DTWD2: variants seen among roughly 807,000 people sequenced by gnomAD.
DTWD2 encodes DTW motif tRNA-uridine aminocarboxypropyltransferase 2.
A neutral mutation model predicts 31.8 loss-of-function variants in DTWD2; 39 were observed. The observed-to-expected ratio is 1.22, with a 90% CI of 0.95 to 1.60. The LOEUF (loss-of-function observed/expected upper bound fraction) is 1.60, where lower values mean the gene tolerates loss of function less well. Ranked by LOEUF, DTWD2 falls within the 40% of genes most tolerant of loss-of-function variation. The probability of loss-of-function intolerance (pLI) is 0.00; values close to 1 mark genes in which losing one functional copy is unlikely to be tolerated. For synonymous variants in DTWD2, 180 were observed against 142.8 expected, an observed-to-expected ratio of 1.26 and a Z score of -1.86; for missense variants, 515 against 381.5, an observed-to-expected ratio of 1.35 and a Z score of -2.92.
chr5:118,874,861 AG>A (rs1752586921), intron 4 of DTWD2, among the ~76,000 whole-genome samples: 1 of 152,142 alleles, frequency 6.6e-6, no homozygotes, highest in East Asian at 1.9e-4. Context: ...AAATGCAGAG[AG>A]CCCCAGTAAG....
At chr5:118,956,648 T>A (rs1455076699) in intron 1 of DTWD2, among the ~76,000 whole-genome samples, 1 of 152,200 alleles carries the variant, frequency 6.6e-6, no homozygotes, top group Non-Finnish European at 1.5e-5. Context: ...TTAATCAAGG[T>A]GATTCAAATA....
At chr5:118,970,448 G>C (rs1176863656) in intron 1 of DTWD2, among the ~76,000 whole-genome samples, 1 of 152,004 alleles carries the variant, frequency 6.6e-6, no homozygotes, top group Non-Finnish European at 1.5e-5. Context: ...AAGGAAAAAA[G>C]AAAAGACGAT....
chr5:118,963,217 G>A (rs1419376961), intron 1 of DTWD2, among the ~76,000 whole-genome samples: 2 of 152,234 alleles, frequency 1.3e-5, no homozygotes, highest in Non-Finnish European at 2.9e-5. Flanking sequence ...TGAGGAGTTA[G>A]AAGAAGAAAC....
chr5:118,964,283 T>C (rs902054373), intron 1 of DTWD2, among the ~76,000 whole-genome samples: 2 of 151,974 alleles, frequency 1.3e-5, no homozygotes, highest in Non-Finnish European at 2.9e-5. Flanking sequence ...TAATGAGATA[T>C]GACTTCAGGA....
intron 4 of DTWD2, among the ~76,000 whole-genome samples, chr5:118,899,274 T>C (rs750286219): frequency 6.6e-6 from 1 of 152,230 alleles, no homozygotes; most frequent in Non-Finnish European, 1.5e-5. Flanking sequence ...ACATGAGTTA[T>C]AGTGCTATTG....
chr5:118,897,400 T>G (rs1753107977), intron 4 of DTWD2, among the ~76,000 whole-genome samples: 1 of 152,230 alleles, frequency 6.6e-6, no homozygotes. Context: ...TTGCCTGGCA[T>G]GTATCAAAAT....
In DTWD2 at chr5:118,973,651, GC is replaced by G. The variant is rs1580449560; in HGVS notation, c.218+14642del. The G allele has an allele frequency of 6.3e-6, 5 of 789,324 alleles. No individual in the cohort carries two copies. In the East Asian group the frequency reaches 8.3e-5, roughly 13 times the overall value. The allele number at this position is 789,324 out of a possible 1,614,324, so 48.9% of individuals were successfully genotyped here. A position where few individuals can be genotyped will look rare whatever the true frequency, so the allele number is the denominator to read the frequency against. On this transcript the variant is annotated intron_variant, in intron 1 of 5. Coordinates refer to ENST00000510708, the MANE Select transcript of DTWD2 (RefSeq NM_173666.4). ...CCTCCTTGCTCGCGGCAGCCTCCTTGCTCGCGGCAGCCTCCTTGCTCGCCGC... is the reference window on the plus strand; with the variant it reads ...CCTCCTTGCTCGCGGCAGCCTCCTTGTCGCGGCAGCCTCCTTGCTCGCCGC...
intron 5 of DTWD2, 60 bp from the exon 6 acceptor site, chr5:118,841,147 T>C (rs3813297): frequency 0.28 from 425,916 of 1,533,160 alleles, 65,335 homozygotes; most frequent in African/African-American, 0.63. Context: ...ATTCTATCTA[T>C]ATTTTTCATT....
At chr5:118,864,108 T>G (rs1460438214) in intron 4 of DTWD2, among the ~76,000 whole-genome samples, 2 of 70,462 alleles carry the variant, frequency 2.8e-5, no homozygotes, top group African/African-American at 1.5e-4. Flanking sequence ...CTATTCACAA[T>G]AGCAAAGACT....
At chr5:118,899,599 C>G (rs902110971) in intron 4 of DTWD2, among the ~76,000 whole-genome samples, 1 of 152,048 alleles carries the variant, frequency 6.6e-6, no homozygotes, top group African/African-American at 2.4e-5. Context: ...ATCTACAAAA[C>G]AAACACACTT....
In DTWD2 at chr5:118,848,171, C is replaced by A. The variant is rs1751905127; in HGVS notation, c.645G>T (p.Gln215His). ...GTGTAGAAAGGCATCTATTAGTCGG[C>A]TGCATCCGAATTACATACTGACTAG... ...SISSQYVIRM[Q>H]PTNRCLSTLE... Residue 215 changes from glutamine to histidine, a missense_variant, in exon 5 of 6, where the codon CAG (glutamine) becomes CAT (histidine). Coordinates refer to ENST00000510708, the MANE Select transcript of DTWD2 (RefSeq NM_173666.4). The A allele has an allele frequency of 6.2e-7, 1 of 1,606,770 alleles. No individual in the cohort carries two copies. The highest frequency in any genetic ancestry group is 8.5e-7 in the Non-Finnish European group (1 of 1,176,794).
chr5:118,937,109 T>A (rs147398798), intron 3 of DTWD2, among the ~76,000 whole-genome samples: 1 of 152,226 alleles, frequency 6.6e-6, no homozygotes, highest in East Asian at 1.9e-4. Flanking sequence ...TCCCACAAAT[T>A]ATAATATGAC....
chr5:118,940,391 T>A (rs1246972578), intron 2 of DTWD2, among the ~76,000 whole-genome samples: 1 of 152,216 alleles, frequency 6.6e-6, no homozygotes, highest in Non-Finnish European at 1.5e-5. Context: ...AATACATGTA[T>A]ATATGTCAAA....
chr5:118,988,113 GA>G, intron 1 of DTWD2, 180 bp downstream of exon 1: 1 of 769,954 alleles, frequency 1.3e-6, no homozygotes, highest in South Asian at 1.5e-5. Context: ...CATGAACCTG[GA>G]AAAAGGGCTT....
At chr5:118,895,445 T>C (rs1342539712) in intron 4 of DTWD2, among the ~76,000 whole-genome samples, 2 of 152,166 alleles carry the variant, frequency 1.3e-5, no homozygotes, top group Non-Finnish European at 2.9e-5. Flanking sequence ...CCCTAAGCAA[T>C]CTTCAGATTC....
In DTWD2 at chr5:118,946,270, T is replaced by G. The variant is rs191219686; in HGVS notation, c.219-1621A>C. On this transcript the variant is annotated intron_variant, in intron 1 of 5. Coordinates refer to ENST00000510708, the MANE Select transcript of DTWD2 (RefSeq NM_173666.4). ...CTGAGATGATTTCCAATGATTGTTC[T>G]GCCCCACACTGGATTTCCTCTCAGG... Among the ~76,000 whole-genome samples the G allele has an allele frequency of 2.0e-5, 3 of 152,332 alleles. No homozygotes were observed. In the East Asian group the frequency reaches 5.8e-4, roughly 29 times the overall value.
intron 4 of DTWD2, among the ~76,000 whole-genome samples, chr5:118,879,730 A>T (rs1463894444): frequency 1.3e-5 from 2 of 152,082 alleles, no homozygotes; most frequent in African/African-American, 4.8e-5. Flanking sequence ...ACATGTTCTT[A>T]CTTATACGTA....
intron 4 of DTWD2, among the ~76,000 whole-genome samples, chr5:118,904,692 C>A (rs1055506458): frequency 7.2e-5 from 11 of 151,836 alleles, no homozygotes; most frequent in Non-Finnish European, 1.5e-4. Flanking sequence ...AACAGACATA[C>A]AGAGAAAAAG....
At chr5:118,980,228 T>TA (rs1402065306) in intron 1 of DTWD2, among the ~76,000 whole-genome samples, 1 of 152,196 alleles carries the variant, frequency 6.6e-6, no homozygotes, top group East Asian at 1.9e-4. Context: ...CAACCCATTG[T>TA]AAAAAATTCA....
Sources: gnomAD v4.1 joint callset for allele counts (sites outside exome capture counted in the v4.1 genomes callset) on GRCh38, gnomAD v4.1.1 for gene constraint, MANE v1.5 for transcripts, NCBI Gene and HGNC (gene_info 2026-07-23, HGNC 2026-07-21) for gene names.